TRPM6: variants seen among roughly 807,000 people sequenced by gnomAD.
The protein encoded by TRPM6 is channel kinase 2.
In TRPM6, 111 loss-of-function variants were observed where a neutral mutation model predicts 247.6. The ratio of observed to expected loss-of-function variants is 0.45; its 90% CI spans 0.38 to 0.52. The LOEUF is 0.52. Among genes scored for constraint, TRPM6 ranks in the 20% least tolerant of loss-of-function variants. TRPM6 has a pLI of 0.00. For synonymous variants in TRPM6, 892 were observed against 853.8 expected, an observed-to-expected ratio of 1.04 and a Z score of -0.78; for missense variants, 2,126 against 2,421.5, an observed-to-expected ratio of 0.88 and a Z score of 2.56.
intron 18 of TRPM6, among the ~76,000 whole-genome samples, 185 bp from the exon 19 acceptor site, chr9:74,792,955 G>A (rs902777689): frequency 2.0e-5 from 3 of 152,072 alleles, no homozygotes; most frequent in Admixed American, 1.3e-4. Context: ...TCAGGAGTTC[G>A]AGACCAGCCT....
In TRPM6 at chr9:74,761,714, A is replaced by G; in HGVS notation, c.4767T>C (p.Thr1589=). Residue 1589 remains threonine, a synonymous_variant, in exon 27 of 39, where the codon ACT becomes ACC. Coordinates refer to ENST00000360774, the MANE Select transcript of TRPM6 (RefSeq NM_017662.5). The stretch of plus-strand genomic sequence containing the variant: ...CACTTACTGGCACCTGGAGTCCTTG[A>G]GTATTCTTCTTTTTCTTTGACAGTC... ...DRRLSKKKKN[T]QGLQVPIITV... is the part of the protein sequence containing the mutation. The G allele has an allele frequency of 1.9e-6, 3 of 1,610,690 alleles. No homozygotes were observed. The highest frequency in any genetic ancestry group is 2.5e-6 in the Non-Finnish European group (3 of 1,177,036).
At chr9:74,886,328 T>G (rs1389775373) in intron 1 of TRPM6, among the ~76,000 whole-genome samples, 1 of 152,182 alleles carries the variant, frequency 6.6e-6, no homozygotes, top group Non-Finnish European at 1.5e-5. Context: ...TAGCTAACGC[T>G]TTATCAGTCC....
At chr9:74,727,376 C>T (rs573684094) in intron 38 of TRPM6, among the ~76,000 whole-genome samples, 40 of 132,342 alleles carry the variant, frequency 3.0e-4, no homozygotes, top group African/African-American at 1.1e-3. Flanking sequence ...AGTGAGACTC[C>T]GTCTCAAAAA....
At chr9:74,847,869 G>A (rs763579796) in intron 3 of TRPM6, among the ~76,000 whole-genome samples, 2 of 152,072 alleles carry the variant, frequency 1.3e-5, no homozygotes, top group African/African-American at 2.4e-5. Context: ...AAATATATAT[G>A]TAGCAGTAGT....
chr9:74,787,750 C>T (rs1299805845), intron 20 of TRPM6, among the ~76,000 whole-genome samples: 1 of 152,208 alleles, frequency 6.6e-6, no homozygotes, highest in African/African-American at 2.4e-5. Flanking sequence ...GAGTCTCGCT[C>T]TGTCACACAG....
chr9:74,876,981 T>C (rs1227990515), intron 1 of TRPM6, among the ~76,000 whole-genome samples: 1 of 152,144 alleles, frequency 6.6e-6, no homozygotes, highest in Non-Finnish European at 1.5e-5. Context: ...AATAAACCCA[T>C]GAAAAGATGC....
At chr9:74,732,502 T>A (rs1825553851) in intron 37 of TRPM6, among the ~76,000 whole-genome samples, 183 bp downstream of exon 37, 1 of 152,224 alleles carries the variant, frequency 6.6e-6, no homozygotes, top group Non-Finnish European at 1.5e-5. Flanking sequence ...ATTTCCATAT[T>A]TTCCCCCCAT....
chr9:74,802,324 C>T (rs947361013), intron 15 of TRPM6, 149 bp from the exon 16 acceptor site: 3 of 743,300 alleles, frequency 4.0e-6, no homozygotes, highest in African/African-American at 3.5e-5. Context: ...AGCCAGCAAG[C>T]AAAATTTAGA....
At position 74,728,307 on chromosome 9, in the gene TRPM6, T is replaced by C; in HGVS notation, c.5867A>G (p.Glu1956Gly). The C allele has an allele frequency of 6.2e-7, 1 of 1,614,032 alleles. No homozygotes were observed. Among genetic ancestry groups the C allele is most frequent in the Non-Finnish European group, 8.5e-7 (1 of 1,179,970 alleles). The change falls in exon 38 of 39, where the codon GAA becomes GGA. Residue 1956 changes from glutamate (E) to glycine (G), a missense_variant. This residue lies in a region of TRPM6 where 327 missense variants were observed against 397.7 expected (regional missense o/e 0.82). Transcript: ENST00000360774. ...TGCAATGAAGTTTCTAATTGCATCT[T>C]CCCCCAAATTGGCCGGTCCAAACAC... ...GMVFGPANLG[E>G]DAIRNFIAKH...
intron 6 of TRPM6, among the ~76,000 whole-genome samples, chr9:74,832,342 T>G (rs1169929268): frequency 6.6e-6 from 1 of 151,986 alleles, no homozygotes; most frequent in Non-Finnish European, 1.5e-5. Flanking sequence ...TAACAACCCA[T>G]CACAATATAT....
At position 74,842,328 on chromosome 9, in the gene TRPM6, TC is replaced by T. The variant is rs1829971339; in HGVS notation, c.167del (p.Arg56HisfsTer2). Reference protein sequence around the residue: ...CQNLIRCYCGRLIGDHAGIDY... With the variant: ...CQNLIRCYCGXLIGDHAGIDY... Reference sequence around the variant, plus strand: ...CTATCCCAGCATGGTCTCCAATCAGTCGGCCACAGTAACACCTTAAATTCAA... The same window carrying T: ...CTATCCCAGCATGGTCTCCAATCAGTGGCCACAGTAACACCTTAAATTCAA... On this transcript the variant is annotated frameshift_variant, in exon 4 of 39. Coordinates refer to ENST00000360774, the MANE Select transcript of TRPM6 (RefSeq NM_017662.5). LOFTEE classifies it high-confidence loss of function. 2 of 1,613,976 alleles carry T rather than the reference TC, an allele frequency of 1.2e-6. No individual in the cohort carries two copies. The highest frequency in any genetic ancestry group is 8.5e-7 in the Non-Finnish European group (1 of 1,180,024).
chr9:74,887,547 C>G, intron 1 of TRPM6: 1 of 1,397,624 alleles, frequency 7.2e-7, no homozygotes, highest in Non-Finnish European at 9.8e-7. Flanking sequence ...GCTAGGTTTC[C>G]GCTCTGACAC....
chr9:74,813,045 C>T (rs1828792469), intron 11 of TRPM6, among the ~76,000 whole-genome samples: 1 of 152,196 alleles, frequency 6.6e-6, no homozygotes, highest in African/African-American at 2.4e-5. Flanking sequence ...AATGTACAGG[C>T]TTAATGCAAT....
intron 3 of TRPM6, among the ~76,000 whole-genome samples, chr9:74,850,015 A>G (rs1830245100): frequency 6.6e-6 from 1 of 152,242 alleles, no homozygotes; most frequent in Admixed American, 6.5e-5. Context: ...CAGCATATGA[A>G]GTAGCACATG....
intron 1 of TRPM6, among the ~76,000 whole-genome samples, chr9:74,881,535 T>C (rs538214058): frequency 7.2e-4 from 110 of 152,220 alleles, no homozygotes; most frequent in Non-Finnish European, 1.3e-3. Flanking sequence ...ACACAGATTA[T>C]CTAAACAGAA....
In TRPM6 at chr9:74,863,441, A is replaced by C. The variant is rs372525360; in HGVS notation, c.34-4693T>G. 1.4e-4 allele frequency among the ~76,000 whole-genome samples: 22 copies of C among 152,316 alleles called. No individual in the cohort carries two copies. In the East Asian group the frequency reaches 4.1e-3, roughly 28 times the overall value. On this transcript the variant is annotated intron_variant, in intron 1 of 38. Transcript: ENST00000360774. ...TGGCACTCAAAAAGTTTCAGATTTTAGAGCATTTCACATTTCAGATTTTCA... is the reference window on the plus strand; with the variant it reads ...TGGCACTCAAAAAGTTTCAGATTTTCGAGCATTTCACATTTCAGATTTTCA...
intron 30 of TRPM6, among the ~76,000 whole-genome samples, chr9:74,749,484 G>C (rs1170710875): frequency 6.6e-6 from 1 of 152,126 alleles, no homozygotes; most frequent in East Asian, 1.9e-4. Flanking sequence ...TAAACTAAAG[G>C]ATTCCTGAAC....
intron 30 of TRPM6, among the ~76,000 whole-genome samples, chr9:74,748,856 C>T (rs80304874): frequency 0.026 from 3,972 of 152,042 alleles, 166 homozygotes; most frequent in African/African-American, 0.088. Flanking sequence ...ATAAAGTCTC[C>T]GCTTGTGTAG....
chr9:74,804,479 G>T, intron 14 of TRPM6: 1 of 665,754 alleles, frequency 1.5e-6, no homozygotes, highest in Admixed American at 2.2e-5. Flanking sequence ...CCATAAGCTT[G>T]CCTGATCTCT....
Sources: allele counts gnomAD v4.1 joint callset (sites outside exome capture counted in the v4.1 genomes callset), GRCh38; gene constraint gnomAD v4.1.1; regional missense constraint gnomAD v4.1.1; transcripts MANE v1.5; gene names NCBI Gene and HGNC (gene_info 2026-07-23, HGNC 2026-07-21).